Variants in AGPAT3 observed in about 807,000 individuals in gnomAD.
AGPAT3 encodes the protein 1-acylglycerol-3-phosphate O-acyltransferase 3.
AGPAT3 carries 5 observed loss-of-function variants against 47.3 expected under a neutral mutation model. The ratio of observed to expected loss-of-function variants is 0.11; its 90% CI spans 0.06 to 0.22. The LOEUF is 0.22. AGPAT3 is among the 10% of genes least tolerant of loss of function. AGPAT3 has a pLI of 1.00. For synonymous variants in AGPAT3, 212 were observed against 208.3 expected (o/e 1.02, Z -0.15); for missense variants, 315 against 493.0 (o/e 0.64, Z 3.42).
chr21:43,962,075 A>G (rs1301696948), intron 3 of AGPAT3, among the ~76,000 whole-genome samples: 1 of 147,002 alleles, frequency 6.8e-6, no homozygotes, highest in African/African-American at 2.6e-5. Context: ...ATCTCGGCTC[A>G]CTGCAAGCTC....
chr21:43,942,233 G>GT (rs1488914963), intron 2 of AGPAT3, among the ~76,000 whole-genome samples: 1 of 152,154 alleles, frequency 6.6e-6, no homozygotes, highest in Admixed American at 6.5e-5. Context: ...GAGGCGGCTT[G>GT]GTTTTTTTGT....
chr21:43,915,631 T>G (rs912837497), intron 2 of AGPAT3, among the ~76,000 whole-genome samples: 5 of 151,680 alleles, frequency 3.3e-5, no homozygotes, highest in African/African-American at 1.2e-4. Flanking sequence ...AGGCTGCTCT[T>G]GAACTCCTGA....
At chr21:43,895,567 GA>G (rs2086197284) in intron 1 of AGPAT3, among the ~76,000 whole-genome samples, 1 of 99,936 alleles carries the variant, frequency 1.0e-5, no homozygotes, top group Admixed American at 1.0e-4. Context: ...TTCCTCTTTT[GA>G]ATTTTTTGAC....
intron 1 of AGPAT3, among the ~76,000 whole-genome samples, chr21:43,869,699 C>T (rs1448404345): frequency 6.6e-6 from 1 of 152,120 alleles, no homozygotes; most frequent in Non-Finnish European, 1.5e-5. Flanking sequence ...GCCAAGTGGA[C>T]CCCCAGGGTG....
intron 2 of AGPAT3, among the ~76,000 whole-genome samples, chr21:43,921,535 C>A (rs1452439544): frequency 6.6e-6 from 1 of 152,174 alleles, no homozygotes; most frequent in East Asian, 1.9e-4. Context: ...ATGGGATTTT[C>A]TGATGCCGAA....
At chr21:43,917,807 T>TGTGTTGTGG (rs1442637475) in intron 2 of AGPAT3, among the ~76,000 whole-genome samples, 1 of 100,106 alleles carries the variant, frequency 1.0e-5, no homozygotes, top group Admixed American at 1.0e-4. Flanking sequence ...TTGTGGGGGT[T>TGTGTTGTGG]GTGTTGTGGG....
intron 2 of AGPAT3, among the ~76,000 whole-genome samples, chr21:43,958,233 AGT>A (rs1320601066): frequency 6.6e-6 from 1 of 150,582 alleles, no homozygotes; most frequent in African/African-American, 2.4e-5. Context: ...TGCATGGGAG[AGT>A]GTGTGTGTGT....
rs1408500724 is a variant in AGPAT3, at chr21:43,922,524, A to AGTGTCCCT, written c.-49+18515_-49+18522dup. Among the ~76,000 whole-genome samples the AGTGTCCCT allele has an allele frequency of 1.3e-5, 2 of 151,980 alleles. No homozygotes were observed. The highest frequency in any genetic ancestry group is 6.5e-5 in the Admixed American group (1 of 15,272). On this transcript the variant is annotated intron_variant, in intron 2 of 9. Transcript: ENST00000291572. This position sits in a 1 kb window ranked among gnomAD's most constrained non-coding sequence, Gnocchi z 4.9. Reference sequence around the variant, plus strand: ...TCAAGGCAGGCAGCACGTGGAGGAGAGTGTCCCTGTGTCCCTGGAAGAGAG... The same window carrying AGTGTCCCT: ...TCAAGGCAGGCAGCACGTGGAGGAGAGTGTCCCTGTGTCCCTGTGTCCCTGGAAGAGAG...
Position 43,939,351 on chromosome 21 carries a change from A to T in AGPAT3, c.-48-20283A>T, listed in dbSNP as rs2087570633. Among the ~76,000 whole-genome samples, 3 of 151,882 alleles carry T rather than the reference A, an allele frequency of 2.0e-5. No individual in the cohort carries two copies. Among genetic ancestry groups the T allele is most frequent in the Non-Finnish European group, 2.9e-5 (2 of 67,972 alleles). On this transcript the variant is annotated intron_variant, in intron 2 of 9. Coordinates refer to ENST00000291572, the MANE Select transcript of AGPAT3 (RefSeq NM_020132.5). The surrounding 1 kb of genome is among the most constrained non-coding windows in gnomAD (Gnocchi z 4.4). ...TGTCGGGGGCCTCCCGCGCCCCAGG[A>T]GGTTTCCCAGGGCGATGCTCTGGTC...
At chr21:43,951,856 G>T (rs1047456000) in intron 2 of AGPAT3, among the ~76,000 whole-genome samples, 3 of 152,188 alleles carry the variant, frequency 2.0e-5, no homozygotes, top group African/African-American at 7.2e-5. Flanking sequence ...GAGGTGGTGG[G>T]CTCGGAACTG....
chr21:43,873,312 G>A lies in AGPAT3; in HGVS notation c.-112+7967G>A, dbSNP rs542633220. Among the ~76,000 whole-genome samples, 43 of 152,314 alleles carry A rather than the reference G, an allele frequency of 2.8e-4. No individual in the cohort carries two copies. In the South Asian group the frequency reaches 5.0e-3, roughly 18 times the overall value. ...CAGGCCGCAACATGTGTGCGCCTCC[G>A]GAGGATAACGCTGGGTGGAAGGAGT... is the stretch of plus-strand genomic sequence containing the variant. On this transcript the variant is annotated intron_variant, in intron 1 of 9. Coordinates refer to ENST00000291572, the MANE Select transcript of AGPAT3 (RefSeq NM_020132.5).
At chr21:43,885,475 A>C (rs1601216128) in intron 1 of AGPAT3, among the ~76,000 whole-genome samples, 1 of 141,422 alleles carries the variant, frequency 7.1e-6, no homozygotes. Flanking sequence ...TGCAACCTCC[A>C]CCTCCCGGGT....
In AGPAT3 at chr21:43,955,928, TACTTTGCGCCGTAGCA is replaced by T. The variant is rs2088433606; in HGVS notation, c.-48-3703_-48-3688del. Among the ~76,000 whole-genome samples the T allele has an allele frequency of 6.6e-6, 1 of 151,398 alleles. No homozygotes were observed. The highest frequency in any genetic ancestry group is 2.0e-4 in the East Asian group (1 of 5,128). The stretch of plus-strand genomic sequence containing the variant: ...AAAAAAAAAAAAAATCAGATTCCTG[TACTTTGCGCCGTAGCA>T]ACGGAATCAGCAGGTCTGCTGTGGA... On this transcript the variant is annotated intron_variant, in intron 2 of 9. Coordinates refer to ENST00000291572, the MANE Select transcript of AGPAT3 (RefSeq NM_020132.5). This position sits in a 1 kb window ranked among gnomAD's most constrained non-coding sequence, Gnocchi z 4.1.
chr21:43,981,341 C>A lies in AGPAT3; in HGVS notation c.1042+154C>A. 1.2e-6 allele frequency: 1 copy of A among 840,140 alleles called. No individual in the cohort carries two copies. The highest frequency in any genetic ancestry group is 1.9e-6 in the Non-Finnish European group (1 of 536,002). The allele number at this position is 840,140 out of a possible 1,614,324, so 52.0% of individuals were successfully genotyped here. A position where few individuals can be genotyped will look rare whatever the true frequency, so the allele number is the denominator to read the frequency against. ...CCAGGATCCCCCCACGGCCTGCGGG[C>A]CTCAGAGCCTGGATTCTTGCACTGA... On this transcript the variant is annotated intron_variant, in intron 9 of 9. Transcript: ENST00000291572. This position sits in a 1 kb window ranked among gnomAD's most constrained non-coding sequence, Gnocchi z 5.3.
At chr21:43,882,525 A>G (rs2085876638) in intron 1 of AGPAT3, 1 of 152,262 alleles carries the variant, frequency 6.6e-6, no homozygotes. Context: ...CGGAGGTTTC[A>G]TTCCTGGAAA....
chr21:43,916,278 C>G (rs539222899), intron 2 of AGPAT3: 2 of 152,164 alleles, frequency 1.3e-5, no homozygotes, highest in Admixed American at 1.3e-4. Flanking sequence ...GTTTATATGT[C>G]TGACAGCCTT....
At chr21:43,899,203 C>T (rs2086295953) in intron 1 of AGPAT3, among the ~76,000 whole-genome samples, 1 of 152,146 alleles carries the variant, frequency 6.6e-6, no homozygotes, top group Non-Finnish European at 1.5e-5. Flanking sequence ...GTTTTCCCTG[C>T]CCCTTGGGGG....
At chr21:43,977,423 G>A (rs775447125) in intron 7 of AGPAT3, among the ~76,000 whole-genome samples, 2 of 152,214 alleles carry the variant, frequency 1.3e-5, no homozygotes, top group African/African-American at 2.4e-5. Flanking sequence ...GACCAGGGGC[G>A]TGGCCTGCCC....
intron 1 of AGPAT3, among the ~76,000 whole-genome samples, chr21:43,898,549 C>T (rs781232842): frequency 1.4e-4 from 21 of 152,138 alleles, no homozygotes; most frequent in Non-Finnish European, 2.4e-4. Context: ...TTCCCCAAGA[C>T]GGAGTCTTGC....
Sources: allele counts gnomAD v4.1 joint callset (sites outside exome capture counted in the v4.1 genomes callset), GRCh38; gene constraint gnomAD v4.1.1; non-coding constraint Gnocchi (gnomAD v3.1); transcripts MANE v1.5; gene names NCBI Gene and HGNC (gene_info 2026-07-23, HGNC 2026-07-21).